The following AGPAT1 variants were observed in gnomAD, a reference collection of about 807,000 sequenced individuals.
AGPAT1 encodes 1-acylglycerol-3-phosphate O-acyltransferase 1.
Under a neutral mutation model 31.2 loss-of-function variants are expected in AGPAT1, and 6 were observed. The ratio of observed to expected loss-of-function variants is 0.19; its 90% CI spans 0.11 to 0.38. The LOEUF is 0.38. Among genes scored for constraint, AGPAT1 ranks in the 10% least tolerant of loss-of-function variants. The probability of loss-of-function intolerance (pLI) is 1.00; values close to 1 mark genes in which losing one functional copy is unlikely to be tolerated. For missense variants in AGPAT1, 187 were observed against 377.8 expected (o/e 0.49, Z 4.19); for synonymous variants, 139 against 154.0 (o/e 0.90, Z 0.72).
upstream of AGPAT1, chr6:32,177,662 A>C (rs1295986542): frequency 2.6e-5 from 4 of 152,216 alleles, no homozygotes; most frequent in Non-Finnish European, 4.4e-5. Flanking sequence ...CTTAACTAAA[A>C]GGGAGGGGCA....
Position 32,175,958 on chromosome 6 carries a change from G to A in AGPAT1, c.-154C>T. ...ATTTGGGGGTGTCCTAGCCCCGGCC[G>A]ATGGAGGGGAGGTGGGAGTGGGAGG... On this transcript the variant is annotated 5_prime_UTR_variant, in exon 1 of 7. Coordinates refer to ENST00000375107, the MANE Select transcript of AGPAT1 (RefSeq NM_006411.4). This position sits in a 1 kb window ranked among gnomAD's most constrained non-coding sequence, Gnocchi z 4.5. The A allele has an allele frequency of 3.0e-6, 3 of 985,518 alleles. No individual in the cohort carries two copies. Among genetic ancestry groups the A allele is most frequent in the Non-Finnish European group, 3.6e-6 (3 of 830,024 alleles). 61.0% of individuals were successfully genotyped at this position (985,518 alleles called of 1,614,324 possible).
chr6:32,169,858 T>C lies in AGPAT1; in HGVS notation c.679+108A>G. On this transcript the variant is annotated intron_variant, in intron 6 of 6. Coordinates refer to ENST00000375107, the MANE Select transcript of AGPAT1 (RefSeq NM_006411.4). The surrounding 1 kb of genome is among the most constrained non-coding windows in gnomAD (Gnocchi z 5.9). The stretch of plus-strand genomic sequence containing the variant: ...CTGATGTGGGGTTAGACTAGATGAC[T>C]GTGTAGACATCTCATGGCTCTGACA... 1 of 1,010,532 alleles carries C rather than the reference T, an allele frequency of 9.9e-7. No individual in the cohort carries two copies. The highest frequency in any genetic ancestry group is 1.5e-6 in the Non-Finnish European group (1 of 662,492). 62.6% of individuals were successfully genotyped at this position (1,010,532 alleles called of 1,614,324 possible). A position where few individuals can be genotyped will look rare whatever the true frequency, so the allele number is the denominator to read the frequency against.
rs888620572 is a variant in AGPAT1, at chr6:32,171,019, C to G, written c.252G>C (p.Val84=). Residue 84 remains valine, a synonymous_variant, in exon 3 of 7, where the codon GTG becomes GTC. Transcript: ENST00000375107. The surrounding 1 kb of genome is among the most constrained non-coding windows in gnomAD (Gnocchi z 6.9). ...GGAAGTGGTGAGCCCCTCGCACCTC[C>G]ACTCGGATCCCGTACAGGTATTTGA... The part of the protein sequence containing the change: ...LHIKYLYGIR[V]EVRGAHHFPP... 4 of 1,612,694 alleles carry G rather than the reference C, an allele frequency of 2.5e-6. No homozygotes were observed. Among genetic ancestry groups the G allele is most frequent in the Admixed American group, 3.3e-5 (2 of 60,002 alleles).
Position 32,171,594 on chromosome 6 carries a change from G to C in AGPAT1, c.-9-89C>G, listed in dbSNP as rs1025103585. Reference sequence around the variant, plus strand: ...ACAGAAGGCAGGGCTGGGGGCTGGTGCTATGAGGACAAGGGCCTGAGACAC... The same window carrying C: ...ACAGAAGGCAGGGCTGGGGGCTGGTCCTATGAGGACAAGGGCCTGAGACAC... On this transcript the variant is annotated intron_variant, in intron 1 of 6. Coordinates refer to ENST00000375107, the MANE Select transcript of AGPAT1 (RefSeq NM_006411.4). This position sits in a 1 kb window ranked among gnomAD's most constrained non-coding sequence, Gnocchi z 6.9. The C allele has an allele frequency of 1.9e-5, 28 of 1,499,600 alleles. No homozygotes were observed. Among genetic ancestry groups the C allele is most frequent in the Non-Finnish European group, 2.4e-5 (27 of 1,121,230 alleles). 92.9% of individuals were successfully genotyped at this position (1,499,600 alleles called of 1,614,324 possible).
rs774770708 is a variant in AGPAT1 at position 32,174,890 on chromosome 6, T to A, written c.-10+924A>T. Among the ~76,000 whole-genome samples, 2 of 152,202 alleles carry A rather than the reference T, an allele frequency of 1.3e-5. No individual in the cohort carries two copies. Among genetic ancestry groups the A allele is most frequent in the Non-Finnish European group, 2.9e-5 (2 of 68,032 alleles). On this transcript the variant is annotated intron_variant, in intron 1 of 6. Transcript: ENST00000375107. This position sits in a 1 kb window ranked among gnomAD's most constrained non-coding sequence, Gnocchi z 4.5. ...ATGGTCCTGTTACATCAGTGTATCA[T>A]GCAAAGGCGCATACACATGTGTTCT...
Position 32,169,832 on chromosome 6 carries a change from G to A in AGPAT1, c.679+134C>T, listed in dbSNP as rs536244345. ...GTGGGTGCTTAGTAAAGACTTATTGGCTGATGTGGGGTTAGACTAGATGAC... is the reference window on the plus strand; with the variant it reads ...GTGGGTGCTTAGTAAAGACTTATTGACTGATGTGGGGTTAGACTAGATGAC... On this transcript the variant is annotated intron_variant, in intron 6 of 6. Coordinates refer to ENST00000375107, the MANE Select transcript of AGPAT1 (RefSeq NM_006411.4). This position sits in a 1 kb window ranked among gnomAD's most constrained non-coding sequence, Gnocchi z 5.9. 9.4e-5 allele frequency: 77 copies of A among 816,996 alleles called. No homozygotes were observed. Among genetic ancestry groups the A allele is most frequent in the Non-Finnish European group, 1.5e-4 (74 of 503,544 alleles). The allele number at this position is 816,996 out of a possible 1,614,324, so 50.6% of individuals were successfully genotyped here.
chr6:32,170,220 T>C lies in AGPAT1; in HGVS notation c.551A>G (p.Asn184Ser), dbSNP rs1295228923. ...ACGTTTGAAGGGCAGCATGGAGCCATTGTGGTTTCTCGTTCCCTCAGGAAA... is the reference window on the plus strand; with the variant it reads ...ACGTTTGAAGGGCAGCATGGAGCCACTGTGGTTTCTCGTTCCCTCAGGAAA... ...WVFPEGTRNH[N>S]GSMLPFKRGA... The change falls in exon 5 of 7, where the codon AAT (asparagine) becomes AGT (serine). Residue 184 changes from asparagine to serine, a missense_variant. Physicochemically the swap from Asn to Ser is conservative, Grantham distance 46 (BLOSUM62 1). Around this residue, in one of 3 missense-constraint regions of AGPAT1, gnomAD observed 113 missense variants for 283.1 expected, o/e 0.40. Coordinates refer to ENST00000375107, the MANE Select transcript of AGPAT1 (RefSeq NM_006411.4). The surrounding 1 kb of genome is among the most constrained non-coding windows in gnomAD (Gnocchi z 7.7). The C allele has an allele frequency of 8.1e-6, 13 of 1,613,972 alleles. No individual in the cohort carries two copies. Among genetic ancestry groups the C allele is most frequent in the South Asian group, 1.1e-5 (1 of 91,060 alleles).
chr6:32,171,794 A>G lies in AGPAT1; in HGVS notation c.-9-289T>C. 1.8e-6 allele frequency: 1 copy of G among 564,966 alleles called. No homozygotes were observed. Among genetic ancestry groups the G allele is most frequent in the Non-Finnish European group, 3.2e-6 (1 of 316,348 alleles). The allele number at this position is 564,966 out of a possible 1,614,324, so 35.0% of individuals were successfully genotyped here. On this transcript the variant is annotated intron_variant, in intron 1 of 6. Coordinates refer to ENST00000375107, the MANE Select transcript of AGPAT1 (RefSeq NM_006411.4). This position sits in a 1 kb window ranked among gnomAD's most constrained non-coding sequence, Gnocchi z 6.9. The stretch of plus-strand genomic sequence containing the variant: ...ATTCACAGATACCTGATAATAAATG[A>G]CAACAAGAATAATAGCTAACACTTG...
upstream of AGPAT1, chr6:32,177,199 C>A: frequency 2.5e-6 from 1 of 398,102 alleles, no homozygotes; most frequent in South Asian, 1.3e-4. Flanking sequence ...TTTACATGCC[C>A]TCGGGAAGAG....
In AGPAT1 at chr6:32,171,460, G is replaced by A; in HGVS notation, c.37C>T (p.Leu13=). The A allele has an allele frequency of 6.2e-7, 1 of 1,609,106 alleles. No individual in the cohort carries two copies. The highest frequency in any genetic ancestry group is 8.5e-7 in the Non-Finnish European group (1 of 1,178,502). Residue 13 remains leucine, a synonymous_variant, in exon 2 of 7, where the codon CTG becomes TTG. Transcript: ENST00000375107. This position sits in a 1 kb window ranked among gnomAD's most constrained non-coding sequence, Gnocchi z 6.9. The part of the protein sequence containing the change: ...LWPGAWMLLL[L]LFLLLLFLLP... Reference sequence around the variant, plus strand: ...AGGAAGAGCAGCAGCAGGAAGAGCAGCAGCAGCAGCATCCATGCCCCTGGC... The same window carrying A: ...AGGAAGAGCAGCAGCAGGAAGAGCAACAGCAGCAGCATCCATGCCCCTGGC...
At position 32,175,527 on chromosome 6, in the gene AGPAT1, T is replaced by C. The variant is rs1485548272; in HGVS notation, c.-10+287A>G. On this transcript the variant is annotated intron_variant, in intron 1 of 6. Transcript: ENST00000375107. This position sits in a 1 kb window ranked among gnomAD's most constrained non-coding sequence, Gnocchi z 4.5. The stretch of plus-strand genomic sequence containing the variant: ...TGGGGTCAAAGGGCAAGAAAAGGAA[T>C]TGGGGAAGGTGTAGGGAATTCCCTC... Among the ~76,000 whole-genome samples the C allele has an allele frequency of 3.3e-5, 5 of 152,104 alleles. No individual in the cohort carries two copies. Among genetic ancestry groups the C allele is most frequent in the African/African-American group, 9.7e-5 (4 of 41,412 alleles).
In AGPAT1 at chr6:32,170,831, G is replaced by A; in HGVS notation, c.334+106C>T. The A allele has an allele frequency of 7.0e-7, 1 of 1,437,502 alleles. No homozygotes were observed. The allele number at this position is 1,437,502 out of a possible 1,614,324, so 89.0% of individuals were successfully genotyped here. ...CCTGAGTGGGAGGCAAGGGGGCAAT[G>A]TCCCAGAGGAAGGGGAATTGAGGAT... On this transcript the variant is annotated intron_variant, in intron 3 of 6. Coordinates refer to ENST00000375107, the MANE Select transcript of AGPAT1 (RefSeq NM_006411.4). This position sits in a 1 kb window ranked among gnomAD's most constrained non-coding sequence, Gnocchi z 7.7.
chr6:32,176,103 C>T (rs1785529677), upstream of AGPAT1: 3 of 985,522 alleles, frequency 3.0e-6, no homozygotes, highest in Non-Finnish European at 3.6e-6. Context: ...GCCACCCCTC[C>T]CCAACGCCTG....
Position 32,174,718 on chromosome 6 carries a change from C to G in AGPAT1, c.-10+1096G>C, listed in dbSNP as rs1179893565. On this transcript the variant is annotated intron_variant, in intron 1 of 6. Coordinates refer to ENST00000375107, the MANE Select transcript of AGPAT1 (RefSeq NM_006411.4). This position sits in a 1 kb window ranked among gnomAD's most constrained non-coding sequence, Gnocchi z 4.5. Reference sequence around the variant, plus strand: ...ATGGTTCTTTGCAGACCTGGAGACCCAGTTACCTTCTTCTCTTAACACTTG... The same window carrying G: ...ATGGTTCTTTGCAGACCTGGAGACCGAGTTACCTTCTTCTCTTAACACTTG... 1.3e-5 allele frequency among the ~76,000 whole-genome samples: 2 copies of G among 152,152 alleles called. No individual in the cohort carries two copies. The highest frequency in any genetic ancestry group is 2.9e-5 in the Non-Finnish European group (2 of 68,034).
rs1407757507 is a variant in AGPAT1 at position 32,169,034 on chromosome 6, CAGT to C, written c.*239_*241del. On this transcript the variant is annotated 3_prime_UTR_variant, in exon 7 of 7. Transcript: ENST00000375107. The surrounding 1 kb of genome is among the most constrained non-coding windows in gnomAD (Gnocchi z 5.9). ...GGAGGCAACTGTCCCACAGACAAGA[CAGT>C]AGGAGGTGGGGGTCAAGAGTGGAGA... 2 of 560,966 alleles carry C rather than the reference CAGT, an allele frequency of 3.6e-6. No individual in the cohort carries two copies. The highest frequency in any genetic ancestry group is 6.4e-6 in the Non-Finnish European group (2 of 314,952). The allele number at this position is 560,966 out of a possible 1,614,324, so 34.7% of individuals were successfully genotyped here.
chr6:32,174,287 TTAGA>T lies in AGPAT1; in HGVS notation c.-10+1523_-10+1526del, dbSNP rs1785341840. On this transcript the variant is annotated intron_variant, in intron 1 of 6. Coordinates refer to ENST00000375107, the MANE Select transcript of AGPAT1 (RefSeq NM_006411.4). This position sits in a 1 kb window ranked among gnomAD's most constrained non-coding sequence, Gnocchi z 4.5. ...CAGAGATGGCGGTTCTGATCACAAATTAGATAGTTATCCTCTTGAGTAGAAGTGA... is the reference window on the plus strand; with the variant it reads ...CAGAGATGGCGGTTCTGATCACAAATTAGTTATCCTCTTGAGTAGAAGTGA... 6.6e-6 allele frequency among the ~76,000 whole-genome samples: 1 copy of T among 152,182 alleles called. No individual in the cohort carries two copies. Among genetic ancestry groups the T allele is most frequent in the Non-Finnish European group, 1.5e-5 (1 of 68,026 alleles).
upstream of AGPAT1, chr6:32,177,344 G>C (rs1039632070): frequency 1.6e-5 from 6 of 364,938 alleles, no homozygotes; most frequent in African/African-American, 4.2e-5. Context: ...AAATTATAAA[G>C]AGGAAAGGGC....
Position 32,172,767 on chromosome 6 carries a change from C to T in AGPAT1, c.-9-1262G>A, listed in dbSNP as rs1785218013. ...GGGCCAAATGGCAAGATTAAAAGTT[C>T]GTGTCACTAATGCCAACAGACACAC... is the stretch of plus-strand genomic sequence containing the variant. On this transcript the variant is annotated intron_variant, in intron 1 of 6. Transcript: ENST00000375107. This position sits in a 1 kb window ranked among gnomAD's most constrained non-coding sequence, Gnocchi z 4.3. 1.3e-5 allele frequency among the ~76,000 whole-genome samples: 2 copies of T among 152,164 alleles called. No individual in the cohort carries two copies. Among genetic ancestry groups the T allele is most frequent in the African/African-American group, 2.4e-5 (1 of 41,438 alleles).
At position 32,172,650 on chromosome 6, in the gene AGPAT1, G is replaced by A. The variant is rs1785202905; in HGVS notation, c.-9-1145C>T. On this transcript the variant is annotated intron_variant, in intron 1 of 6. Coordinates refer to ENST00000375107, the MANE Select transcript of AGPAT1 (RefSeq NM_006411.4). The surrounding 1 kb of genome is among the most constrained non-coding windows in gnomAD (Gnocchi z 4.3). ...CCTGTGTTCCTAACCACTCCATTAC[G>A]CTGACACTGGTATGTATTGCATATA... Among the ~76,000 whole-genome samples the A allele has an allele frequency of 6.6e-6, 1 of 152,052 alleles. No individual in the cohort carries two copies. Among genetic ancestry groups the A allele is most frequent in the South Asian group, 2.1e-4 (1 of 4,826 alleles).
Sources: gnomAD v4.1 joint callset for allele counts (sites outside exome capture counted in the v4.1 genomes callset) on GRCh38, gnomAD v4.1.1 for gene constraint, gnomAD v4.1.1 regional missense constraint, Gnocchi (gnomAD v3.1) non-coding constraint, MANE v1.5 for transcripts, NCBI Gene and HGNC (gene_info 2026-07-23, HGNC 2026-07-21) for gene names.